Variants in PXDNL observed in about 807,000 individuals in gnomAD.
PXDNL encodes the protein probable oxidoreductase PXDNL.
PXDNL carries 145 observed loss-of-function variants against 150.8 expected under a neutral mutation model. That is an observed-to-expected ratio of 0.96 (90% CI 0.84 to 1.10). The LOEUF is 1.10. Ranked by LOEUF, PXDNL falls within the 50% of genes least tolerant of loss-of-function variation. The pLI, the probability that PXDNL is intolerant of heterozygous loss-of-function variation, is 0.00. For synonymous variants in PXDNL, 757 were observed against 725.7 expected, an observed-to-expected ratio of 1.04 and a Z score of -0.69; for missense variants, 2,087 against 1,873.9, an observed-to-expected ratio of 1.11 and a Z score of -2.10.
At chr8:51,733,545 C>T (rs372732749) in intron 1 of PXDNL, among the ~76,000 whole-genome samples, 9 of 152,170 alleles carry the variant, frequency 5.9e-5, no homozygotes, top group East Asian at 5.8e-4. Context: ...TGGTAGCTGA[C>T]GCCTGTAATC....
chr8:51,530,175 A>C (rs1435320940), intron 4 of PXDNL, among the ~76,000 whole-genome samples: 1 of 152,200 alleles, frequency 6.6e-6, no homozygotes, highest in East Asian at 1.9e-4. Flanking sequence ...GGAGACCAAT[A>C]TTTGAGAGTC....
chr8:51,416,586 T>C (rs1235120902), intron 14 of PXDNL, among the ~76,000 whole-genome samples: 1 of 152,214 alleles, frequency 6.6e-6, no homozygotes, highest in Non-Finnish European at 1.5e-5. Context: ...CATGTTGCAA[T>C]GCACATATAA....
chr8:51,517,240 T>C (rs1811561529), intron 4 of PXDNL, among the ~76,000 whole-genome samples: 1 of 152,124 alleles, frequency 6.6e-6, no homozygotes, highest in Non-Finnish European at 1.5e-5. Flanking sequence ...GCAGTGTTAT[T>C]TTTCAGAAAT....
chr8:51,704,550 A>G (rs1816322862), intron 1 of PXDNL, among the ~76,000 whole-genome samples: 1 of 152,252 alleles, frequency 6.6e-6, no homozygotes, highest in Non-Finnish European at 1.5e-5. Context: ...TTACTAGTTA[A>G]GAACAAATTG....
rs146141714 is a variant in PXDNL at position 51,776,517 on chromosome 8, G to A, written c.164+32664C>T. Among the ~76,000 whole-genome samples the A allele has an allele frequency of 9.2e-5, 14 of 152,136 alleles. No homozygotes were observed. The East Asian group carries it at 9.7e-4, about 10-fold the overall frequency. On this transcript the variant is annotated intron_variant, in intron 1 of 22. Transcript: ENST00000356297. ...CTACGTGAAATAGCATTGAATTATC[G>A]GGGGCTGGTTTCCCCCAATAACCCT...
intron 8 of PXDNL, among the ~76,000 whole-genome samples, chr8:51,469,454 G>A (rs1364925722): frequency 6.6e-6 from 1 of 151,840 alleles, no homozygotes; most frequent in Non-Finnish European, 1.5e-5. Context: ...AACTCCTACT[G>A]GATAGACACC....
intron 5 of PXDNL, among the ~76,000 whole-genome samples, chr8:51,494,215 C>G (rs1054775457): frequency 4.6e-5 from 7 of 152,088 alleles, no homozygotes; most frequent in Admixed American, 4.6e-4. Context: ...AAATACTTTA[C>G]AGACAAACAA....
At chr8:51,352,107 G>A (rs991238083) in intron 19 of PXDNL, among the ~76,000 whole-genome samples, 21 of 151,970 alleles carry the variant, frequency 1.4e-4, no homozygotes, top group African/African-American at 4.8e-4. Context: ...ACCATCCACT[G>A]CACACTGCCC....
chr8:51,744,728 AAAAGAAAG>A (rs71848112), intron 1 of PXDNL, among the ~76,000 whole-genome samples: 1 of 116,508 alleles, frequency 8.6e-6, no homozygotes, highest in Admixed American at 1.0e-4. Flanking sequence ...AGAGAAAAAG[AAAAGAAAG>A]AAAGAGAAAA....
intron 8 of PXDNL, among the ~76,000 whole-genome samples, chr8:51,458,025 G>T (rs1179232800): frequency 2.0e-5 from 3 of 152,180 alleles, no homozygotes; most frequent in Non-Finnish European, 4.4e-5. Flanking sequence ...GAAATCACCA[G>T]ATGGTAATAT....
chr8:51,325,854 G>C (rs1477369050), intron 21 of PXDNL, among the ~76,000 whole-genome samples: 1 of 152,188 alleles, frequency 6.6e-6, no homozygotes, highest in Non-Finnish European at 1.5e-5. Context: ...CTTGGCCTTT[G>C]CTGGTCTTGC....
At chr8:51,467,691 A>G (rs911652566) in intron 8 of PXDNL, among the ~76,000 whole-genome samples, 4 of 152,082 alleles carry the variant, frequency 2.6e-5, no homozygotes, top group African/African-American at 9.6e-5. Context: ...GTCTTGCTCA[A>G]CATCTTCTAA....
intron 5 of PXDNL, among the ~76,000 whole-genome samples, chr8:51,496,149 C>A (rs1811042753): frequency 6.6e-6 from 1 of 152,114 alleles, no homozygotes; most frequent in Non-Finnish European, 1.5e-5. Context: ...TAAATGTAAT[C>A]CAGCATATAA....
chr8:51,797,430 GT>G (rs1296864831), intron 1 of PXDNL, among the ~76,000 whole-genome samples: 1 of 152,206 alleles, frequency 6.6e-6, no homozygotes, highest in Non-Finnish European at 1.5e-5. Flanking sequence ...AAACCCCATT[GT>G]TTAAGCCTGA....
intron 1 of PXDNL, among the ~76,000 whole-genome samples, chr8:51,754,511 C>CT (rs34658512): frequency 0.58 from 87,235 of 149,516 alleles, 28,763 homozygotes; most frequent in Non-Finnish European, 0.74. Flanking sequence ...CAAGTCATTT[C>CT]TTTTTTTTTT....
intron 16 of PXDNL, 59 bp from the exon 17 acceptor site, chr8:51,409,620 TG>T: frequency 1.4e-6 from 2 of 1,430,300 alleles, no homozygotes; most frequent in Non-Finnish European, 1.9e-6. Flanking sequence ...GCGGGCAACT[TG>T]GAACTCCAGA....
At chr8:51,435,918 G>T in intron 12 of PXDNL, 1 of 487,996 alleles carries the variant, frequency 2.0e-6, no homozygotes, top group South Asian at 1.6e-5. Flanking sequence ...TGAGATTAGT[G>T]AGTTCTGTGA....
chr8:51,337,149 T>TA (rs1805852252), intron 21 of PXDNL, among the ~76,000 whole-genome samples: 1 of 152,150 alleles, frequency 6.6e-6, no homozygotes, highest in Non-Finnish European at 1.5e-5. Context: ...ACTAAACACC[T>TA]AGAAGGGGCA....
At chr8:51,369,867 C>T (rs1394250914) in intron 19 of PXDNL, among the ~76,000 whole-genome samples, 2 of 152,194 alleles carry the variant, frequency 1.3e-5, no homozygotes, top group African/African-American at 4.8e-5. Flanking sequence ...CCATAACAAA[C>T]ATTGCCCACA....
Sources: gnomAD v4.1 joint callset for allele counts (sites outside exome capture counted in the v4.1 genomes callset) on GRCh38, gnomAD v4.1.1 for gene constraint, MANE v1.5 for transcripts, NCBI Gene and HGNC (gene_info 2026-07-23, HGNC 2026-07-21) for gene names.